MYO18B: variants seen among roughly 807,000 people sequenced by gnomAD.
MYO18B encodes the protein unconventional myosin-XVIIIb.
In MYO18B, 204 loss-of-function variants were observed where a neutral mutation model predicts 273.0. That is an observed-to-expected ratio of 0.75 (90% confidence interval 0.67 to 0.84). The LOEUF (loss-of-function observed/expected upper bound fraction) is 0.84. Among genes scored for constraint, MYO18B ranks in the 40% least tolerant of loss-of-function variants. The pLI is 0.00. For synonymous variants in MYO18B, 1,330 were observed against 1,305.7 expected (o/e 1.02, Z -0.40); for missense variants, 3,212 against 3,287.6 (o/e 0.98, Z 0.56).
At position 26,027,555 on chromosome 22, in the gene MYO18B, A is replaced by G; in HGVS notation, c.7581A>G (p.Arg2527=). The G allele has an allele frequency of 6.2e-7, 1 of 1,613,976 alleles. No homozygotes were observed. Among genetic ancestry groups the G allele is most frequent in the Non-Finnish European group, 8.5e-7 (1 of 1,179,882 alleles). ...SFKSADSIKS[R]PGIPRLAGDG... ...AAAGTGCTGACAGCATCAAAAGTCG[A>G]CCAGGAATCCCACGACTTGCGGGTG... is the stretch of plus-strand genomic sequence containing the variant. Residue 2527 remains arginine, a synonymous_variant, in exon 43 of 44, where the codon CGA becomes CGG. Coordinates refer to ENST00000335473, the MANE Select transcript of MYO18B (RefSeq NM_032608.7). This position sits in a 1 kb window ranked among gnomAD's most constrained non-coding sequence, Gnocchi z 4.1.
At chr22:25,929,572 T>C (rs900505264) in intron 34 of MYO18B, among the ~76,000 whole-genome samples, 1 of 152,218 alleles carries the variant, frequency 6.6e-6, no homozygotes, top group Non-Finnish European at 1.5e-5. Context: ...GATTCATGCT[T>C]CTGACCTTTG....
Position 25,877,948 on chromosome 22 carries a change from T to A in MYO18B, c.4225-11T>A. The A allele has an allele frequency of 6.4e-7, 1 of 1,564,018 alleles. No homozygotes were observed. Among genetic ancestry groups the A allele is most frequent in the East Asian group, 2.4e-5 (1 of 42,164 alleles). On this transcript the variant is annotated splice_polypyrimidine_tract_variant and intron_variant, in intron 24 of 43. Transcript: ENST00000335473. ...CTGGAATGGTTTCTGTTCATGTGTT[T>A]GTTTTTGTAGGAGGAGCTTACAACG... is the stretch of plus-strand genomic sequence containing the variant.
chr22:25,955,172 C>A lies in MYO18B; in HGVS notation c.5971-7C>A. 1 of 1,594,008 alleles carries A rather than the reference C, an allele frequency of 6.3e-7. No individual in the cohort carries two copies. Among genetic ancestry groups the A allele is most frequent in the East Asian group, 2.3e-5 (1 of 44,390 alleles). ...CCAAGGTGGGCATGTGTCTCTGCCC[C>A]TCCCAGGTCCTGGTGATCCGGCTTC... On this transcript the variant is annotated splice_region_variant and splice_polypyrimidine_tract_variant and intron_variant, in intron 38 of 43. Coordinates refer to ENST00000335473, the MANE Select transcript of MYO18B (RefSeq NM_032608.7).
Position 25,968,543 on chromosome 22 carries a change from C to T in MYO18B, c.6156+13179C>T, listed in dbSNP as rs144153634. 1.1e-3 allele frequency among the ~76,000 whole-genome samples: 164 copies of T among 152,132 alleles called. 4 individuals carry two copies. In the South Asian group the frequency reaches 0.02, roughly 18 times the overall value. ...CCTGCCTCCTGCTTGACTTTTTCCT[C>T]CTCCTTTTTGTATATTTTCTGTTAC... On this transcript the variant is annotated intron_variant, in intron 39 of 43. Transcript: ENST00000335473.
chr22:25,865,551 TG>T (rs1569127238), intron 21 of MYO18B, among the ~76,000 whole-genome samples: 1 of 152,234 alleles, frequency 6.6e-6, no homozygotes, highest in Non-Finnish European at 1.5e-5. Flanking sequence ...GCTTACTATA[TG>T]CCAGGTGCTA....
chr22:25,773,457 G>GATATTTAT (rs199832554), intron 7 of MYO18B, among the ~76,000 whole-genome samples: 1 of 151,944 alleles, frequency 6.6e-6, no homozygotes, highest in African/African-American at 2.4e-5. Flanking sequence ...AGCTACTATG[G>GATATTTAT]GTATTTATTT....
At chr22:25,782,934 G>T (rs188146220) in intron 10 of MYO18B, among the ~76,000 whole-genome samples, 1 of 152,248 alleles carries the variant, frequency 6.6e-6, no homozygotes, top group Non-Finnish European at 1.5e-5. Context: ...GGACAAGGCT[G>T]TGTGGATTTG....
intron 21 of MYO18B, among the ~76,000 whole-genome samples, chr22:25,858,542 A>G (rs2090640106): frequency 6.6e-6 from 1 of 152,186 alleles, no homozygotes; most frequent in Non-Finnish European, 1.5e-5. Flanking sequence ...GCCAAATGTG[A>G]GATGTCAGCC....
intron 42 of MYO18B, among the ~76,000 whole-genome samples, chr22:26,021,774 T>C (rs1333191967): frequency 6.6e-6 from 1 of 152,214 alleles, no homozygotes; most frequent in African/African-American, 2.4e-5. Flanking sequence ...TCAGCCTCTC[T>C]GTGCCTGGAG....
rs2091132146 is a variant in MYO18B, at chr22:25,874,306, G to C, written c.3972G>C (p.Val1324=). 1 of 1,613,784 alleles carries C rather than the reference G, an allele frequency of 6.2e-7. No homozygotes were observed. Among genetic ancestry groups the C allele is most frequent in the South Asian group, 1.1e-5 (1 of 91,066 alleles). The change falls in exon 23 of 44, where the codon GTG becomes GTC. Residue 1324 remains valine, a synonymous_variant. Transcript: ENST00000335473. The part of the protein sequence containing the change: ...GHSQVFLKAG[V]ISRLEKQREK... ...CCCAGGTTTTTCTCAAGGCAGGTGT[G>C]ATCTCCAGGCTTGAGAAGCAGCGAG...
At position 25,950,466 on chromosome 22, in the gene MYO18B, C is replaced by T. The variant is rs1255342025; in HGVS notation, c.5832+16C>T. 2 of 1,586,318 alleles carry T rather than the reference C, an allele frequency of 1.3e-6. No individual in the cohort carries two copies. Among genetic ancestry groups the T allele is most frequent in the Non-Finnish European group, 8.6e-7 (1 of 1,166,274 alleles). ...ACAAGAACAAGTATGTGCTCAGAGC[C>T]ATCCTATAGTTGTATTAGTCAGGGT... On this transcript the variant is annotated intron_variant, in intron 37 of 43. Transcript: ENST00000335473.
intron 17 of MYO18B, among the ~76,000 whole-genome samples, chr22:25,837,020 C>A (rs1305931647): frequency 6.7e-6 from 1 of 149,750 alleles, no homozygotes; most frequent in African/African-American, 2.5e-5. Context: ...AAGGCAAATG[C>A]ACTTAGTGAT....
intron 43 of MYO18B, among the ~76,000 whole-genome samples, chr22:26,029,076 A>G (rs574485896): frequency 1.3e-5 from 2 of 152,262 alleles, no homozygotes; most frequent in East Asian, 3.9e-4. Flanking sequence ...CCAGGGCATA[A>G]TTGGGTTTCC....
chr22:26,017,902 C>T (rs1935490278), intron 42 of MYO18B, among the ~76,000 whole-genome samples: 2 of 150,872 alleles, frequency 1.3e-5, no homozygotes, highest in Non-Finnish European at 2.9e-5. Flanking sequence ...TCTTGCATTA[C>T]TCCTCCATCT....
chr22:25,851,228 T>G (rs1273123666), intron 20 of MYO18B, among the ~76,000 whole-genome samples: 1 of 152,132 alleles, frequency 6.6e-6, no homozygotes, highest in Non-Finnish European at 1.5e-5. Context: ...TTTTTCAAAC[T>G]TTCAGTGGAG....
intron 39 of MYO18B, among the ~76,000 whole-genome samples, chr22:25,958,451 A>G (rs1280828072): frequency 6.6e-6 from 1 of 152,102 alleles, no homozygotes. Context: ...AAACTCACCA[A>G]CCTATTTGCT....
At chr22:26,061,552 T>C in the MYO18B span, among the ~76,000 whole-genome samples, 1 of 151,910 alleles carries the variant, frequency 6.6e-6, no homozygotes, top group Admixed American at 6.6e-5. Context: ...TCCTCAAATA[T>C]CTCTCTGCTG....
rs569361732 is a variant in MYO18B at position 25,838,446 on chromosome 22, C to T, written c.3208+3003C>T. 4.6e-5 allele frequency among the ~76,000 whole-genome samples: 7 copies of T among 152,238 alleles called. 1 individual carries two copies. The South Asian group carries it at 1.0e-3, about 23-fold the overall frequency. The stretch of plus-strand genomic sequence containing the variant: ...AACTACTGACCTCAAGTGATCCACC[C>T]GCCTCGGCCTCCCAAAGTGCTAGGA... On this transcript the variant is annotated intron_variant, in intron 17 of 43. Coordinates refer to ENST00000335473, the MANE Select transcript of MYO18B (RefSeq NM_032608.7).
intron 24 of MYO18B, 62 bp downstream of exon 24, chr22:25,876,394 T>G: frequency 6.6e-7 from 1 of 1,524,950 alleles, no homozygotes; most frequent in Non-Finnish European, 8.8e-7. Flanking sequence ...TCCTCCTGTT[T>G]GCATCTAGCA....
Sources: allele counts gnomAD v4.1 joint callset (sites outside exome capture counted in the v4.1 genomes callset), GRCh38; gene constraint gnomAD v4.1.1; non-coding constraint Gnocchi (gnomAD v3.1); transcripts MANE v1.5; gene names NCBI Gene and HGNC (gene_info 2026-07-23, HGNC 2026-07-21).